PABPC4L: variants seen among roughly 807,000 people sequenced by gnomAD.
PABPC4L encodes the protein polyadenylate-binding protein 4-like.
For missense variants in PABPC4L, 452 were observed against 451.4 expected (o/e 1.00, Z -0.01); for synonymous variants, 169 against 164.1 (o/e 1.03, Z -0.23).
the PABPC4L span, among the ~76,000 whole-genome samples, chr4:134,034,024 A>G: frequency 2.0e-5 from 3 of 151,968 alleles, no homozygotes; most frequent in African/African-American, 7.2e-5. Context: ...GGAGAAGTCA[A>G]TTACTTGCTT....
the PABPC4L span, among the ~76,000 whole-genome samples, chr4:134,005,309 G>A: frequency 1.3e-5 from 2 of 151,708 alleles, no homozygotes; most frequent in African/African-American, 4.8e-5. Context: ...AAGGAAATAT[G>A]GTTTGACCTG....
the PABPC4L span, among the ~76,000 whole-genome samples, chr4:134,136,487 T>C: frequency 6.6e-6 from 1 of 151,862 alleles, no homozygotes; most frequent in Non-Finnish European, 1.5e-5. Flanking sequence ...TTGCCAAATA[T>C]TTTTTTTCTT....
chr4:134,164,072 G>A, the PABPC4L span, among the ~76,000 whole-genome samples: 1 of 151,134 alleles, frequency 6.6e-6, no homozygotes, highest in East Asian at 1.9e-4. Context: ...GACCATCCCG[G>A]CTAAAATGGT....
chr4:134,082,600 T>C, the PABPC4L span, among the ~76,000 whole-genome samples: 2 of 152,226 alleles, frequency 1.3e-5, no homozygotes, highest in East Asian at 3.9e-4. Context: ...TGTGTAAATA[T>C]AAAAACTAAG....
At chr4:133,990,832 C>T in the PABPC4L span, among the ~76,000 whole-genome samples, 1 of 152,062 alleles carries the variant, frequency 6.6e-6, no homozygotes, top group Non-Finnish European at 1.5e-5. Context: ...TTTACATTCC[C>T]TTATTATCTA....
the PABPC4L span, among the ~76,000 whole-genome samples, chr4:134,133,826 T>A: frequency 6.6e-6 from 1 of 151,116 alleles, no homozygotes; most frequent in Non-Finnish European, 1.5e-5. Context: ...ATTGAAATTA[T>A]TTTTTTTTAA....
At chr4:134,170,676 C>G in the PABPC4L span, among the ~76,000 whole-genome samples, 3 of 152,218 alleles carry the variant, frequency 2.0e-5, no homozygotes, top group African/African-American at 7.2e-5. Flanking sequence ...ATCATGAGAA[C>G]AGCACCAAGA....
the PABPC4L span, among the ~76,000 whole-genome samples, chr4:133,990,578 C>G: frequency 1.3e-5 from 2 of 152,124 alleles, no homozygotes; most frequent in Non-Finnish European, 2.9e-5. Flanking sequence ...GACTGCACTG[C>G]TTAGCACCAC....
At chr4:134,015,853 A>G in the PABPC4L span, among the ~76,000 whole-genome samples, 1 of 152,086 alleles carries the variant, frequency 6.6e-6, no homozygotes. Flanking sequence ...GGCCCTTAAA[A>G]TCACAAACTA....
the PABPC4L span, among the ~76,000 whole-genome samples, chr4:134,092,330 C>T: frequency 2.0e-5 from 3 of 151,958 alleles, no homozygotes; most frequent in African/African-American, 4.8e-5. Context: ...GCCTGAATGT[C>T]GAAGAGGCAG....
At chr4:133,980,552 G>A in the PABPC4L span, among the ~76,000 whole-genome samples, 76 of 152,094 alleles carry the variant, frequency 5.0e-4, no homozygotes, top group Non-Finnish European at 9.3e-4. Flanking sequence ...ACACGAGACA[G>A]GGAAAGAGAA....
the PABPC4L span, among the ~76,000 whole-genome samples, chr4:133,976,501 G>T: frequency 6.6e-6 from 1 of 152,082 alleles, no homozygotes; most frequent in Non-Finnish European, 1.5e-5. Context: ...GGGTCAAATA[G>T]TATTTCTGAT....
chr4:134,139,832 T>C, the PABPC4L span, among the ~76,000 whole-genome samples: 1 of 151,800 alleles, frequency 6.6e-6, no homozygotes, highest in African/African-American at 2.4e-5. Context: ...ATCTAGCATT[T>C]TTGCAACATG....
At chr4:134,109,267 T>C in the PABPC4L span, among the ~76,000 whole-genome samples, 184 of 152,098 alleles carry the variant, frequency 1.2e-3, no homozygotes, top group African/African-American at 4.3e-3. Flanking sequence ...TATATACATA[T>C]TTTTAAAATG....
At chr4:133,987,858 T>A in the PABPC4L span, among the ~76,000 whole-genome samples, 52 of 152,278 alleles carry the variant, frequency 3.4e-4, no homozygotes, top group Admixed American at 9.8e-4. Context: ...TGAGTCTGAG[T>A]AATTTACAGA....
rs1301512225 is a variant in PABPC4L, at chr4:134,199,316, A to C, written c.*591T>G. ...TAAAAACTTCCATCATCTTAATTTA[A>C]ACCATCCGAAAAACAAGCATGTCAG... On this transcript the variant is annotated 3_prime_UTR_variant, in exon 2 of 2. Transcript: ENST00000421491. 6.6e-6 allele frequency: 1 copy of C among 152,172 alleles called. No homozygotes were observed. Among genetic ancestry groups the C allele is most frequent in the Non-Finnish European group, 1.5e-5 (1 of 68,002 alleles). The allele number at this position is 152,172 out of a possible 1,614,324, so 9.4% of individuals were successfully genotyped here.
the PABPC4L span, among the ~76,000 whole-genome samples, chr4:134,111,900 A>G: frequency 6.6e-6 from 1 of 152,022 alleles, no homozygotes; most frequent in Non-Finnish European, 1.5e-5. Flanking sequence ...ACTAAGGCAC[A>G]AAGATTTTAT....
At chr4:134,010,018 A>G in the PABPC4L span, among the ~76,000 whole-genome samples, 1 of 152,034 alleles carries the variant, frequency 6.6e-6, no homozygotes, top group Non-Finnish European at 1.5e-5. Flanking sequence ...CAGTTCTGAT[A>G]AGTGGTCAGA....
chr4:134,192,676 A>G (rs1729544374), downstream of PABPC4L, among the ~76,000 whole-genome samples: 1 of 152,152 alleles, frequency 6.6e-6, no homozygotes, highest in Admixed American at 6.6e-5. Flanking sequence ...ACAGAAGAAT[A>G]TGATGATGAC....
Sources: gnomAD v4.1 joint callset for allele counts (sites outside exome capture counted in the v4.1 genomes callset) on GRCh38, gnomAD v4.1.1 for gene constraint, MANE v1.5 for transcripts, NCBI Gene and HGNC (gene_info 2026-07-23, HGNC 2026-07-21) for gene names.